SMCO4: variants seen among roughly 807,000 people sequenced by gnomAD.
SMCO4 encodes single-pass membrane and coiled-coil domain-containing protein 4.
In SMCO4, 4 loss-of-function variants were observed where a neutral mutation model predicts 3.6. The ratio of observed to expected loss-of-function variants is 1.11; its 90% CI spans 0.54 to 2.53. SMCO4 has a LOEUF of 2.53. Ranked by LOEUF, SMCO4 falls within the 30% of genes most tolerant of loss-of-function variation. The probability of loss-of-function intolerance (pLI) is 0.02; values close to 1 mark genes in which losing one functional copy is unlikely to be tolerated. For missense variants in SMCO4, 70 were observed against 80.8 expected, an observed-to-expected ratio of 0.87 and a Z score of 0.51; for synonymous variants, 36 against 35.3, an observed-to-expected ratio of 1.02 and a Z score of -0.07.
chr11:93,548,971 G>A, the SMCO4 span, among the ~76,000 whole-genome samples: 3 of 152,250 alleles, frequency 2.0e-5, no homozygotes, highest in South Asian at 6.2e-4. Context: ...TGCGTATGAA[G>A]AGGTTATTTC....
intron 2 of SMCO4, among the ~76,000 whole-genome samples, chr11:93,498,758 C>T (rs772799418): frequency 6.6e-6 from 1 of 152,118 alleles, no homozygotes; most frequent in Non-Finnish European, 1.5e-5. Context: ...GTAAGGGAGG[C>T]GTGGTGGGGG....
In SMCO4 at chr11:93,514,398, AT is replaced by A. The variant is rs1565382986; in HGVS notation, c.-153-15051del. Among the ~76,000 whole-genome samples the A allele has an allele frequency of 3.2e-3, 285 of 88,924 alleles. 13 individuals carry two copies. Among genetic ancestry groups the A allele is most frequent in the South Asian group, 0.017 (40 of 2,324 alleles). The allele number at this position is 88,924 out of a possible 152,430, so 58.3% of individuals were successfully genotyped here. On this transcript the variant is annotated intron_variant, in intron 1 of 2. Coordinates refer to ENST00000298966, the MANE Select transcript of SMCO4 (RefSeq NM_020179.3). Reference sequence around the variant, plus strand: ...GCTATATATATATATATATATATATATATATATATATATATATATATATAAA... The same window carrying A: ...GCTATATATATATATATATATATATAATATATATATATATATATATATAAA...
chr11:93,492,376 C>A (rs1948727321), intron 2 of SMCO4, among the ~76,000 whole-genome samples: 1 of 152,110 alleles, frequency 6.6e-6, no homozygotes, highest in African/African-American at 2.4e-5. Flanking sequence ...AAGGCAGACT[C>A]GATGTGCTGG....
In SMCO4 at chr11:93,501,036, G is replaced by A. The variant is rs141960911; in HGVS notation, c.-153-1688C>T. Reference sequence around the variant, plus strand: ...ATCTGCTCTCCCCAGATCTGGCCCTGTCTAAATATTCCAAGTAGCAGAGGC... The same window carrying A: ...ATCTGCTCTCCCCAGATCTGGCCCTATCTAAATATTCCAAGTAGCAGAGGC... On this transcript the variant is annotated intron_variant, in intron 1 of 2. Coordinates refer to ENST00000298966, the MANE Select transcript of SMCO4 (RefSeq NM_020179.3). Among the ~76,000 whole-genome samples the A allele has an allele frequency of 3.3e-3, 499 of 152,302 alleles. 1 individual carries two copies. Among genetic ancestry groups the A allele is most frequent in the Non-Finnish European group, 5.0e-3 (343 of 68,018 alleles).
upstream of SMCO4, among the ~76,000 whole-genome samples, chr11:93,548,363 G>T (rs1949327380): frequency 6.6e-6 from 1 of 152,078 alleles, no homozygotes; most frequent in Non-Finnish European, 1.5e-5. Flanking sequence ...AATGGTTTTG[G>T]TCTATGAAAT....
At chr11:93,492,606 G>A (rs1948731153) in intron 2 of SMCO4, among the ~76,000 whole-genome samples, 1 of 152,238 alleles carries the variant, frequency 6.6e-6, no homozygotes, top group African/African-American at 2.4e-5. Flanking sequence ...CTGGAGAGCA[G>A]AGGCCTGCAG....
intron 1 of SMCO4, among the ~76,000 whole-genome samples, chr11:93,519,639 C>T (rs1049833156): frequency 1.3e-5 from 2 of 152,084 alleles, no homozygotes; most frequent in Admixed American, 6.6e-5. Flanking sequence ...TTTAAAAGTT[C>T]GAACTAAAAC....
chr11:93,552,474 T>C, the SMCO4 span, among the ~76,000 whole-genome samples: 1 of 145,720 alleles, frequency 6.9e-6, no homozygotes, highest in East Asian at 2.0e-4. Flanking sequence ...TTATTATTAT[T>C]ATTATTATTA....
chr11:93,532,810 T>A (rs918753155), intron 1 of SMCO4, among the ~76,000 whole-genome samples: 2 of 151,994 alleles, frequency 1.3e-5, no homozygotes, highest in Non-Finnish European at 2.9e-5. Flanking sequence ...TCCTGCTGTT[T>A]AAGCCACTCA....
the SMCO4 span, among the ~76,000 whole-genome samples, chr11:93,551,208 G>A: frequency 6.6e-6 from 1 of 152,196 alleles, no homozygotes. Flanking sequence ...TAAGCGTGCT[G>A]AAGAGAAAGA....
Position 93,492,356 on chromosome 11 carries a change from C to T in SMCO4, c.-81+6920G>A, listed in dbSNP as rs538952132. Among the ~76,000 whole-genome samples the T allele has an allele frequency of 1.2e-4, 19 of 152,290 alleles. No individual in the cohort carries two copies. In the South Asian group the frequency reaches 3.9e-3, roughly 32 times the overall value. ...TGGTCCATCTGATCATTCATTGATT[C>T]ACCAAATACAAGGCAGACTCGATGT... On this transcript the variant is annotated intron_variant, in intron 2 of 2. Coordinates refer to ENST00000298966, the MANE Select transcript of SMCO4 (RefSeq NM_020179.3).
chr11:93,482,077 A>C (rs1371929563), intron 2 of SMCO4, among the ~76,000 whole-genome samples: 4 of 152,278 alleles, frequency 2.6e-5, no homozygotes, highest in Admixed American at 6.5e-5. Context: ...TGCTGGGGCC[A>C]GGGCCGGTCT....
intron 1 of SMCO4, among the ~76,000 whole-genome samples, chr11:93,536,663 C>T (rs951978879): frequency 2.6e-5 from 4 of 152,186 alleles, no homozygotes; most frequent in African/African-American, 9.7e-5. Context: ...CCTGGAGGAG[C>T]TGGCACCTGG....
At position 93,501,516 on chromosome 11, in the gene SMCO4, C is replaced by T. The variant is rs188929489; in HGVS notation, c.-153-2168G>A. On this transcript the variant is annotated intron_variant, in intron 1 of 2. Transcript: ENST00000298966. ...GTGGCCACATCATTCCGACCTCTGC[C>T]TCCATCTTGACATATGCCCTCTCCT... 5.8e-4 allele frequency among the ~76,000 whole-genome samples: 88 copies of T among 152,290 alleles called. 1 individual carries two copies. Among genetic ancestry groups the T allele is most frequent in the Admixed American group, 5.3e-3 (81 of 15,304 alleles).
At chr11:93,487,587 A>G (rs1363995248) in intron 2 of SMCO4, among the ~76,000 whole-genome samples, 1 of 152,254 alleles carries the variant, frequency 6.6e-6, no homozygotes, top group South Asian at 2.1e-4. Flanking sequence ...CCAGAAACAC[A>G]AAAGAATCTT....
chr11:93,499,518 C>G (rs1948813944), intron 1 of SMCO4, among the ~76,000 whole-genome samples, 170 bp from the exon 2 acceptor site: 2 of 152,198 alleles, frequency 1.3e-5, no homozygotes, highest in South Asian at 4.1e-4. Flanking sequence ...GAAGGGCAGA[C>G]AGACAGATAC....
At chr11:93,483,903 T>C (rs967828700) in intron 2 of SMCO4, among the ~76,000 whole-genome samples, 20 of 152,180 alleles carry the variant, frequency 1.3e-4, no homozygotes, top group African/African-American at 4.6e-4. Context: ...GCCCCCATCA[T>C]GGTTCAGCAG....
At chr11:93,498,125 C>T (rs557860441) in intron 2 of SMCO4, among the ~76,000 whole-genome samples, 1 of 152,204 alleles carries the variant, frequency 6.6e-6, no homozygotes, top group Admixed American at 6.5e-5. Context: ...CACGTCAAAC[C>T]CAGACAACAA....
intron 1 of SMCO4, among the ~76,000 whole-genome samples, chr11:93,516,036 G>T (rs1949005085): frequency 6.6e-6 from 1 of 152,134 alleles, no homozygotes; most frequent in African/African-American, 2.4e-5. Context: ...GCAGGGAAAG[G>T]CCCCATCTTA....
Sources: gnomAD v4.1 joint callset for allele counts (sites outside exome capture counted in the v4.1 genomes callset) on GRCh38, gnomAD v4.1.1 for gene constraint, MANE v1.5 for transcripts, NCBI Gene and HGNC (gene_info 2026-07-23, HGNC 2026-07-21) for gene names.